The following ZNF892 variants were observed in gnomAD, a reference collection of about 807,000 sequenced individuals.
ZNF892 encodes zinc finger protein 570-like.
chr2:95,212,273 A>C, the ZNF892 span: 1 of 398,460 alleles, frequency 2.5e-6, no homozygotes, highest in African/African-American at 2.1e-5. Context: ...AAAGGCAGCC[A>C]GTCAAAAGCG....
chr2:95,259,965 G>C, the ZNF892 span, among the ~76,000 whole-genome samples: 1 of 152,166 alleles, frequency 6.6e-6, no homozygotes, highest in African/African-American at 2.4e-5. Context: ...CACCACCAGG[G>C]AGGAGCCGCA....
At chr2:95,210,688 T>C in the ZNF892 span, among the ~76,000 whole-genome samples, 1 of 152,186 alleles carries the variant, frequency 6.6e-6, no homozygotes, top group African/African-American at 2.4e-5. Flanking sequence ...ATTCAACAAA[T>C]ATTTACAGAG....
At chr2:95,261,369 A>G in the ZNF892 span, among the ~76,000 whole-genome samples, 1 of 149,606 alleles carries the variant, frequency 6.7e-6, no homozygotes, top group South Asian at 2.1e-4. Flanking sequence ...ATCTCAGCCC[A>G]CTGCAACCTT....
At chr2:95,210,173 ATG>A in the ZNF892 span, among the ~76,000 whole-genome samples, 2 of 148,864 alleles carry the variant, frequency 1.3e-5, no homozygotes, top group Non-Finnish European at 1.5e-5. Context: ...ATATGTATAT[ATG>A]TGTATATATG....
At chr2:95,243,049 G>A in the ZNF892 span, among the ~76,000 whole-genome samples, 48 of 152,300 alleles carry the variant, frequency 3.2e-4, no homozygotes, top group African/African-American at 1.1e-3. Context: ...ACGGGGTTTC[G>A]ATGTGTTGGC....
At chr2:95,239,740 G>C in the ZNF892 span, among the ~76,000 whole-genome samples, 1 of 152,048 alleles carries the variant, frequency 6.6e-6, no homozygotes, top group Non-Finnish European at 1.5e-5. Flanking sequence ...CAATTCTCCT[G>C]CCTCAGCCTC....
chr2:95,210,814 A>G, the ZNF892 span, among the ~76,000 whole-genome samples: 1 of 152,140 alleles, frequency 6.6e-6, no homozygotes, highest in African/African-American at 2.4e-5. Context: ...ACCCAAGGGA[A>G]TGGAAGGAAC....
chr2:95,249,872 T>C, the ZNF892 span, among the ~76,000 whole-genome samples: 1 of 152,220 alleles, frequency 6.6e-6, no homozygotes, highest in African/African-American at 2.4e-5. Flanking sequence ...TGAATATTCA[T>C]CTTTTAACTT....
the ZNF892 span, among the ~76,000 whole-genome samples, chr2:95,239,659 G>A: frequency 6.6e-6 from 1 of 151,796 alleles, no homozygotes; most frequent in Admixed American, 6.6e-5. Context: ...AGCACGTCTA[G>A]CTCTGTCACC....
the ZNF892 span, among the ~76,000 whole-genome samples, chr2:95,211,295 C>T: frequency 6.6e-6 from 1 of 152,122 alleles, no homozygotes; most frequent in African/African-American, 2.4e-5. Context: ...CTCCTTTTTC[C>T]TGTATAAGTA....
At chr2:95,218,135 C>T in the ZNF892 span, among the ~76,000 whole-genome samples, 9 of 152,276 alleles carry the variant, frequency 5.9e-5, no homozygotes, top group East Asian at 3.9e-4. Context: ...CTGCTAAACC[C>T]ATCTGATCTA....
the ZNF892 span, chr2:95,208,821 C>T: frequency 2.5e-6 from 1 of 397,772 alleles, no homozygotes. Flanking sequence ...TTGCTCAGCC[C>T]TGATGCTTAG....
the ZNF892 span, among the ~76,000 whole-genome samples, chr2:95,229,158 G>A: frequency 6.6e-6 from 1 of 152,142 alleles, no homozygotes; most frequent in Admixed American, 6.5e-5. Context: ...AAGACTTCCT[G>A]AGGCTGTGTC....
At chr2:95,231,554 CGA>C in the ZNF892 span, among the ~76,000 whole-genome samples, 1 of 151,972 alleles carries the variant, frequency 6.6e-6, no homozygotes, top group Non-Finnish European at 1.5e-5. Flanking sequence ...TATAAATATG[CGA>C]GAGTGTGTGT....
At chr2:95,243,233 C>T in the ZNF892 span, among the ~76,000 whole-genome samples, 2 of 152,166 alleles carry the variant, frequency 1.3e-5, no homozygotes, top group Admixed American at 1.3e-4. Flanking sequence ...GCCTTGGCCT[C>T]CCAAAGTGCC....
the ZNF892 span, among the ~76,000 whole-genome samples, chr2:95,239,144 G>GAAA: frequency 1.3e-4 from 17 of 126,046 alleles, no homozygotes; most frequent in Admixed American, 1.7e-4. Flanking sequence ...CGTCTCAAAG[G>GAAA]AAAAAAAAAA....
the ZNF892 span, among the ~76,000 whole-genome samples, chr2:95,227,148 CCCTT>C: frequency 2.9e-5 from 4 of 139,042 alleles, no homozygotes; most frequent in Non-Finnish European, 4.6e-5. Context: ...CTTCCTCCCT[CCCTT>C]CCTTCCTTCT....
At chr2:95,243,749 C>T in the ZNF892 span, among the ~76,000 whole-genome samples, 1 of 151,880 alleles carries the variant, frequency 6.6e-6, no homozygotes, top group Non-Finnish European at 1.5e-5. Context: ...CGGCCAGCCG[C>T]CCCGTCCGGG....
the ZNF892 span, among the ~76,000 whole-genome samples, chr2:95,219,297 C>T: frequency 6.6e-6 from 1 of 152,064 alleles, no homozygotes; most frequent in Non-Finnish European, 1.5e-5. Context: ...TGAGCCACCG[C>T]CCCGGCCAAG....
Sources: allele counts gnomAD v4.1 joint callset (sites outside exome capture counted in the v4.1 genomes callset), GRCh38; gene constraint gnomAD v4.1.1; transcripts MANE v1.5; gene names NCBI Gene and HGNC (gene_info 2026-07-23, HGNC 2026-07-21).